The following EIF3A variants were observed in gnomAD, a reference collection of about 807,000 sequenced individuals.
The protein encoded by EIF3A is eukaryotic translation initiation factor 3 subunit A, also known as EIF3, p180 subunit.
Under a neutral mutation model 186.6 loss-of-function variants are expected in EIF3A, and 21 were observed. The ratio of observed to expected loss-of-function variants is 0.11; its 90% confidence interval spans 0.08 to 0.16. The LOEUF is 0.16. EIF3A is among the 10% of genes least tolerant of loss of function. The pLI is 1.00. For synonymous variants in EIF3A, 563 were observed against 584.3 expected, an observed-to-expected ratio of 0.96 and a Z score of 0.52; for missense variants, 1,306 against 1,796.3, an observed-to-expected ratio of 0.73 and a Z score of 4.93.
Position 119,060,857 on chromosome 10 carries a change from T to A in EIF3A, c.1228-13A>T. ...CCCAATTTAGAACCTATAAAATCCA[T>A]TAAATTGAAAGAGAATCACACTTTC... On this transcript the variant is annotated splice_polypyrimidine_tract_variant and intron_variant, in intron 8 of 21. Coordinates refer to ENST00000369144, the MANE Select transcript of EIF3A (RefSeq NM_003750.4). The A allele has an allele frequency of 6.4e-7, 1 of 1,556,332 alleles. No individual in the cohort carries two copies. Among genetic ancestry groups the A allele is most frequent in the South Asian group, 1.2e-5 (1 of 84,518 alleles).
chr10:119,050,097 T>C, intron 16 of EIF3A, 112 bp from the exon 17 acceptor site: 1 of 1,054,394 alleles, frequency 9.5e-7, no homozygotes, highest in East Asian at 2.4e-5. Flanking sequence ...TAAAAGAATT[T>C]GAAAATAGTT....
Position 119,042,800 on chromosome 10 carries a change from T to C in EIF3A, c.2748-28A>G. On this transcript the variant is annotated intron_variant, in intron 18 of 21. Transcript: ENST00000369144. The surrounding 1 kb of genome is among the most constrained non-coding windows in gnomAD (Gnocchi z 7.8). ...ACACAGCAACAAGAACAATTAAAAATATATAAAATAAAAAAGCATATGATC... is the reference window on the plus strand; with the variant it reads ...ACACAGCAACAAGAACAATTAAAAACATATAAAATAAAAAAGCATATGATC... 1 of 1,530,254 alleles carries C rather than the reference T, an allele frequency of 6.5e-7. No homozygotes were observed. Among genetic ancestry groups the C allele is most frequent in the Non-Finnish European group, 8.7e-7 (1 of 1,147,832 alleles). The allele number at this position is 1,530,254 out of a possible 1,614,324, so 94.8% of individuals were successfully genotyped here.
At position 119,059,814 on chromosome 10, in the gene EIF3A, C is replaced by A. The variant is rs921426944; in HGVS notation, c.1327-96G>T. ...ACAGTCATGGGAAGTAGAAATTATG[C>A]CAGAGAATTTATGTTAGCAGTACAT... is the stretch of plus-strand genomic sequence containing the variant. On this transcript the variant is annotated intron_variant, in intron 9 of 21. Transcript: ENST00000369144. The A allele has an allele frequency of 1.5e-4, 128 of 837,810 alleles. No homozygotes were observed. In the East Asian group the frequency reaches 3.1e-3, roughly 20 times the overall value. 51.9% of individuals were successfully genotyped at this position (837,810 alleles called of 1,614,324 possible). A position where few individuals can be genotyped will look rare whatever the true frequency, so the allele number is the denominator to read the frequency against.
chr10:119,047,967 C>T (rs989338277), intron 17 of EIF3A, among the ~76,000 whole-genome samples: 3 of 152,012 alleles, frequency 2.0e-5, no homozygotes, highest in Non-Finnish European at 4.4e-5. Context: ...AAACAGGGCA[C>T]CTCCCAAGCA....
chr10:119,065,230 C>A (rs1843951669), intron 7 of EIF3A, among the ~76,000 whole-genome samples, 169 bp downstream of exon 7: 1 of 152,210 alleles, frequency 6.6e-6, no homozygotes. Context: ...TGCTCACCCA[C>A]TGGCGCGGAA....
chr10:119,073,948 CAGA>C lies in EIF3A; in HGVS notation c.50-14_50-12del, dbSNP rs528492950. On this transcript the variant is annotated splice_polypyrimidine_tract_variant and intron_variant, in intron 1 of 21. Coordinates refer to ENST00000369144, the MANE Select transcript of EIF3A (RefSeq NM_003750.4). ...CAACCTCAAGAAATTCTGAAAAATTCAGAAGAATTAAAATTAGTTATGTACACT... is the reference window on the plus strand; with the variant it reads ...CAACCTCAAGAAATTCTGAAAAATTCAGAATTAAAATTAGTTATGTACACT... The C allele has an allele frequency of 4.7e-4, 736 of 1,581,216 alleles. 2 individuals are homozygous for C. The African/African-American group carries it at 8.7e-3, about 19-fold the overall frequency.
chr10:119,060,668 A>G, intron 9 of EIF3A, 78 bp downstream of exon 9: 1 of 1,044,046 alleles, frequency 9.6e-7, no homozygotes, highest in East Asian at 2.6e-5. Flanking sequence ...CTTCCTAGGC[A>G]GTTCTAGATT....
chr10:119,055,586 G>A (rs1457959308), intron 14 of EIF3A, among the ~76,000 whole-genome samples: 1 of 151,796 alleles, frequency 6.6e-6, no homozygotes, highest in African/African-American at 2.4e-5. Flanking sequence ...AATAATATGG[G>A]GGGCTGGGGG....
At chr10:119,053,312 C>T (rs1311531352) in intron 14 of EIF3A, among the ~76,000 whole-genome samples, 7 of 152,126 alleles carry the variant, frequency 4.6e-5, no homozygotes, top group African/African-American at 1.7e-4. Context: ...AACCCCTAAA[C>T]AGTGAGCATA....
At chr10:119,062,497 T>C (rs1843904537) in intron 7 of EIF3A, among the ~76,000 whole-genome samples, 1 of 152,190 alleles carries the variant, frequency 6.6e-6, no homozygotes, top group African/African-American at 2.4e-5. Context: ...AAATGCCTCT[T>C]GGCAGTCAGC....
chr10:119,051,390 A>T (rs1848354720), intron 14 of EIF3A, 69 bp from the exon 15 acceptor site: 2 of 1,437,496 alleles, frequency 1.4e-6, no homozygotes, highest in Non-Finnish European at 1.9e-6. Flanking sequence ...AATTACTGAG[A>T]AATACTCTTG....
rs758162712 is a variant in EIF3A, at chr10:119,059,964, TA to T, written c.1327-247del. On this transcript the variant is annotated intron_variant, in intron 9 of 21. Transcript: ENST00000369144. ...CTAGTTGTTGTAAAACAAAAAAGCC[TA>T]AAAACCTGCTACTTACCGAATATAT... 6.9e-5 allele frequency: 39 copies of T among 562,204 alleles called. No individual in the cohort carries two copies. The East Asian group carries it at 1.4e-3, about 20-fold the overall frequency. 34.8% of individuals were successfully genotyped at this position (562,204 alleles called of 1,614,324 possible).
chr10:119,074,518 T>C (rs564368071), intron 1 of EIF3A, among the ~76,000 whole-genome samples: 1 of 152,164 alleles, frequency 6.6e-6, no homozygotes, highest in South Asian at 2.1e-4. Flanking sequence ...CATTAGTTGT[T>C]ACCAATAAAA....
chr10:119,078,949 G>GA (rs969075840), intron 1 of EIF3A, among the ~76,000 whole-genome samples: 1 of 149,692 alleles, frequency 6.7e-6, no homozygotes, highest in Non-Finnish European at 1.5e-5. Flanking sequence ...CTAGCACGGG[G>GA]AAAAAAAAAT....
chr10:119,045,606 T>C (rs1283460310), intron 17 of EIF3A, among the ~76,000 whole-genome samples: 2 of 152,220 alleles, frequency 1.3e-5, no homozygotes, highest in African/African-American at 2.4e-5. Flanking sequence ...CAAAGACTTT[T>C]GAAGGATGGC....
intron 7 of EIF3A, among the ~76,000 whole-genome samples, chr10:119,064,409 G>C (rs571124099): frequency 2.6e-4 from 39 of 152,200 alleles, no homozygotes; most frequent in Non-Finnish European, 4.9e-4. Flanking sequence ...CCTGGTGGGA[G>C]GTGACTAAAT....
rs116933086 is a variant in EIF3A at position 119,078,243 on chromosome 10, G to A, written c.49+2385C>T. ...CCACTAATGATATAATATGAAAAAGGGGCCTTCTCCAAATGATTACAGGAT... is the reference window on the plus strand; with the variant it reads ...CCACTAATGATATAATATGAAAAAGAGGCCTTCTCCAAATGATTACAGGAT... On this transcript the variant is annotated intron_variant, in intron 1 of 21. Transcript: ENST00000369144. Among the ~76,000 whole-genome samples the A allele has an allele frequency of 7.2e-5, 11 of 152,198 alleles. No individual in the cohort carries two copies. In the East Asian group the frequency reaches 2.1e-3, roughly 29 times the overall value.
Position 119,042,913 on chromosome 10 carries a change from G to GATT in EIF3A, c.2748-142_2748-141insAAT. The stretch of plus-strand genomic sequence containing the variant: ...CGCACCTTTAATCCCAGCACTCTGG[G>GATT]AAGCAGAGGCAGGCAGATCACCTGA... On this transcript the variant is annotated intron_variant, in intron 18 of 21. Coordinates refer to ENST00000369144, the MANE Select transcript of EIF3A (RefSeq NM_003750.4). The surrounding 1 kb of genome is among the most constrained non-coding windows in gnomAD (Gnocchi z 7.8). 1 of 887,502 alleles carries GATT rather than the reference G, an allele frequency of 1.1e-6. No homozygotes were observed. The highest frequency in any genetic ancestry group is 1.6e-6 in the Non-Finnish European group (1 of 607,852). The allele number at this position is 887,502 out of a possible 1,614,324, so 55.0% of individuals were successfully genotyped here.
At chr10:119,040,489 G>A (rs1256003265) in intron 19 of EIF3A, among the ~76,000 whole-genome samples, 1 of 152,198 alleles carries the variant, frequency 6.6e-6, no homozygotes, top group African/African-American at 2.4e-5. Context: ...TTTTGGATAG[G>A]CTGTGTTAGA....
Sources: allele counts gnomAD v4.1 joint callset (sites outside exome capture counted in the v4.1 genomes callset), GRCh38; gene constraint gnomAD v4.1.1; non-coding constraint Gnocchi (gnomAD v3.1); transcripts MANE v1.5; gene names NCBI Gene and HGNC (gene_info 2026-07-23, HGNC 2026-07-21).